Variants in TSPAN9 observed in about 807,000 individuals in gnomAD.
The protein encoded by TSPAN9 is tetraspanin 9.
Under a neutral mutation model 31.0 loss-of-function variants are expected in TSPAN9, and 16 were observed. The observed-to-expected ratio is 0.52, with a 90% CI of 0.35 to 0.78. The LOEUF (loss-of-function observed/expected upper bound fraction) is 0.78, where lower values mean the gene tolerates loss of function less well. TSPAN9 is among the 30% of genes least tolerant of loss of function. The probability of loss-of-function intolerance (pLI) is 0.01; values close to 1 mark genes in which losing one functional copy is unlikely to be tolerated. For missense variants in TSPAN9, 272 were observed against 312.5 expected, an observed-to-expected ratio of 0.87 and a Z score of 0.98; for synonymous variants, 145 against 121.6, an observed-to-expected ratio of 1.19 and a Z score of -1.27.
chr12:3,268,881 C>T (rs1421129111), intron 3 of TSPAN9, among the ~76,000 whole-genome samples: 5 of 117,988 alleles, frequency 4.2e-5, no homozygotes, highest in Non-Finnish European at 7.0e-5. Flanking sequence ...TCTGTGCGTT[C>T]CTGCAGCCTG....
intron 2 of TSPAN9, among the ~76,000 whole-genome samples, chr12:3,174,848 C>T (rs2098354469): frequency 6.6e-6 from 1 of 152,154 alleles, no homozygotes; most frequent in East Asian, 1.9e-4. Context: ...TCCCAAAGTG[C>T]TGGGATTACA....
At position 3,174,866 on chromosome 12, in the gene TSPAN9, G is replaced by A. The variant is rs534247954; in HGVS notation, c.-17-26311G>A. ...CAAAGTGCTGGGATTACAGGCGTGA[G>A]CCACCGCACCCGGCCTCAGCTGTGG... On this transcript the variant is annotated intron_variant, in intron 2 of 8. Coordinates refer to ENST00000011898, the MANE Select transcript of TSPAN9 (RefSeq NM_006675.5). Among the ~76,000 whole-genome samples the A allele has an allele frequency of 2.6e-4, 40 of 152,246 alleles. No homozygotes were observed. The South Asian group carries it at 6.8e-3, about 26-fold the overall frequency.
At chr12:3,162,231 GAGCAGA>G (rs1264339106) in intron 2 of TSPAN9, among the ~76,000 whole-genome samples, 3 of 152,164 alleles carry the variant, frequency 2.0e-5, no homozygotes. Context: ...CTTCCACCAT[GAGCAGA>G]AGCAGCCTGA....
At position 3,150,712 on chromosome 12, in the gene TSPAN9, C is replaced by T. The variant is rs144623755; in HGVS notation, c.-17-50465C>T. Among the ~76,000 whole-genome samples, 647 of 152,256 alleles carry T rather than the reference C, an allele frequency of 4.2e-3. 1 individual carries two copies. The highest frequency in any genetic ancestry group is 7.3e-3 in the Non-Finnish European group (495 of 68,018). ...AGCTGGGGGTTGCCTTAGCTAATTC[C>T]CACTTACGAGCTGATTTCAGGGTGC... On this transcript the variant is annotated intron_variant, in intron 2 of 8. Coordinates refer to ENST00000011898, the MANE Select transcript of TSPAN9 (RefSeq NM_006675.5).
intron 2 of TSPAN9, among the ~76,000 whole-genome samples, chr12:3,145,583 AC>A (rs1178608182): frequency 6.6e-6 from 1 of 152,092 alleles, no homozygotes; most frequent in Non-Finnish European, 1.5e-5. Flanking sequence ...CTCACTCGTC[AC>A]CCTGAATTCT....
At chr12:3,138,153 C>T (rs777668393) in intron 2 of TSPAN9, among the ~76,000 whole-genome samples, 19 of 152,056 alleles carry the variant, frequency 1.2e-4, no homozygotes, top group Non-Finnish European at 1.9e-4. Context: ...GGGCTCTGCC[C>T]GTGGGTTTGG....
intron 2 of TSPAN9, among the ~76,000 whole-genome samples, chr12:3,185,587 T>A (rs1353974894): frequency 6.6e-6 from 1 of 152,072 alleles, no homozygotes; most frequent in East Asian, 1.9e-4. Context: ...CACTCCTTAG[T>A]GAGTTTGCTT....
At chr12:3,278,270 G>A in intron 3 of TSPAN9, 151 bp from the exon 4 acceptor site, 12 of 1,053,478 alleles carry the variant, frequency 1.1e-5, no homozygotes, top group East Asian at 2.5e-5. Context: ...GACATGCTTC[G>A]GGTCTGCAGC....
intron 2 of TSPAN9, among the ~76,000 whole-genome samples, chr12:3,116,756 C>T (rs897950608): frequency 1.3e-5 from 2 of 152,194 alleles, no homozygotes; most frequent in Admixed American, 6.5e-5. Flanking sequence ...CGGGAGCGCG[C>T]GCCTGCCCTG....
chr12:3,235,303 C>T (rs747016548), intron 3 of TSPAN9, among the ~76,000 whole-genome samples: 131 of 114,680 alleles, frequency 1.1e-3, no homozygotes, highest in Admixed American at 1.8e-3. Flanking sequence ...TGGAGTGAAG[C>T]GGCAATGAGT....
intron 3 of TSPAN9, among the ~76,000 whole-genome samples, chr12:3,226,004 T>C (rs1201207647): frequency 2.6e-5 from 4 of 152,036 alleles, no homozygotes; most frequent in Non-Finnish European, 5.9e-5. Context: ...ACAGGGCCTG[T>C]TGATACTCTG....
chr12:3,204,605 G>A (rs740774), intron 3 of TSPAN9, among the ~76,000 whole-genome samples: 39,806 of 152,022 alleles, frequency 0.26, 6,404 homozygotes, highest in East Asian at 0.5. Flanking sequence ...GGGAATCTGG[G>A]GCCTCCAGGA....
chr12:3,191,815 C>A (rs2098364555), intron 2 of TSPAN9, among the ~76,000 whole-genome samples: 1 of 152,010 alleles, frequency 6.6e-6, no homozygotes, highest in Non-Finnish European at 1.5e-5. Context: ...AACATTGTCA[C>A]CCTAACAAAC....
At chr12:3,215,553 G>A (rs1221474120) in intron 3 of TSPAN9, among the ~76,000 whole-genome samples, 1 of 152,158 alleles carries the variant, frequency 6.6e-6, no homozygotes, top group Non-Finnish European at 1.5e-5. Context: ...CCATCTCTCA[G>A]CCTTCCTAGA....
In TSPAN9 at chr12:3,285,931, C is replaced by T. The variant is rs1033263736; in HGVS notation, c.*2815C>T. The stretch of plus-strand genomic sequence containing the variant: ...TCACGGTGCAAGTCTCCCCCTGCAC[C>T]CCTCCCCCAGCTTGAGCCGTGTCAC... On this transcript the variant is annotated 3_prime_UTR_variant, in exon 9 of 9. Transcript: ENST00000011898. 1 of 152,342 alleles carries T rather than the reference C, an allele frequency of 6.6e-6. No individual in the cohort carries two copies. Among genetic ancestry groups the T allele is most frequent in the Non-Finnish European group, 1.5e-5 (1 of 68,164 alleles). 9.4% of individuals were successfully genotyped at this position (152,342 alleles called of 1,614,324 possible). A position where few individuals can be genotyped will look rare whatever the true frequency, so the allele number is the denominator to read the frequency against.
intron 2 of TSPAN9, among the ~76,000 whole-genome samples, chr12:3,160,186 A>AATACGGGTTTTGAG (rs1428473523): frequency 2.0e-5 from 3 of 152,220 alleles, no homozygotes; most frequent in Non-Finnish European, 4.4e-5. Context: ...GGAATCATGT[A>AATACGGGTTTTGAG]ATACGGGTTT....
intron 3 of TSPAN9, among the ~76,000 whole-genome samples, chr12:3,225,614 C>T (rs1037284405): frequency 6.6e-6 from 1 of 152,194 alleles, no homozygotes; most frequent in Non-Finnish European, 1.5e-5. Flanking sequence ...AGCAATGTAC[C>T]CCTGCACAGT....
At chr12:3,100,076 CATG>C (rs1418559102) in intron 2 of TSPAN9, among the ~76,000 whole-genome samples, 1 of 152,006 alleles carries the variant, frequency 6.6e-6, no homozygotes, top group East Asian at 1.9e-4. Context: ...CTCCTGACCT[CATG>C]GTGATCCGCC....
intron 3 of TSPAN9, among the ~76,000 whole-genome samples, chr12:3,250,299 A>C (rs1406003114): frequency 6.6e-6 from 1 of 152,174 alleles, no homozygotes; most frequent in East Asian, 1.9e-4. Context: ...TTCGAGCTTC[A>C]AGGGTTGCCT....
Sources: allele counts gnomAD v4.1 joint callset (sites outside exome capture counted in the v4.1 genomes callset), GRCh38; gene constraint gnomAD v4.1.1; transcripts MANE v1.5; gene names NCBI Gene and HGNC (gene_info 2026-07-23, HGNC 2026-07-21).